Variants in WDR70 observed in about 807,000 individuals in gnomAD.
WDR70 encodes the protein WD repeat-containing protein 70.
Under a neutral mutation model 88.6 loss-of-function variants are expected in WDR70, and 53 were observed. That is an observed-to-expected ratio of 0.60 (90% CI 0.48 to 0.75). The LOEUF (loss-of-function observed/expected upper bound fraction) is 0.75. Among genes scored for constraint, WDR70 ranks in the 30% least tolerant of loss-of-function variants. The pLI is 0.00. For missense variants in WDR70, 610 were observed against 823.2 expected (o/e 0.74, Z 3.17); for synonymous variants, 280 against 270.0 (o/e 1.04, Z -0.36).
chr5:37,727,943 A>C (rs537852434), intron 17 of WDR70, among the ~76,000 whole-genome samples: 6 of 152,280 alleles, frequency 3.9e-5, no homozygotes, highest in African/African-American at 1.2e-4. Context: ...AAGTTGCAGA[A>C]ATAGTACAGA....
At chr5:37,667,420 T>C (rs1288172460) in intron 10 of WDR70, among the ~76,000 whole-genome samples, 2 of 152,220 alleles carry the variant, frequency 1.3e-5, no homozygotes, top group Non-Finnish European at 2.9e-5. Flanking sequence ...TTGCTGTTAT[T>C]ATCATCATTA....
chr5:37,570,442 T>A (rs764201406), intron 9 of WDR70, among the ~76,000 whole-genome samples: 1 of 152,118 alleles, frequency 6.6e-6, no homozygotes, highest in African/African-American at 2.4e-5. Context: ...ATATCTGTTC[T>A]GATAGCTTTG....
chr5:37,575,020 C>T (rs1015015699), intron 9 of WDR70, among the ~76,000 whole-genome samples: 5 of 152,110 alleles, frequency 3.3e-5, no homozygotes, highest in African/African-American at 9.7e-5. Context: ...TTTTGCCTTC[C>T]CAGAATCCCC....
At chr5:37,425,678 C>G (rs1221340972) in intron 5 of WDR70, among the ~76,000 whole-genome samples, 2 of 151,994 alleles carry the variant, frequency 1.3e-5, no homozygotes, top group African/African-American at 4.8e-5. Flanking sequence ...CTTTTTTCCC[C>G]CTAAGCCTTA....
At chr5:37,697,831 T>G (rs1747029117) in intron 11 of WDR70, 77 bp downstream of exon 11, 1 of 1,250,752 alleles carries the variant, frequency 8.0e-7, no homozygotes, top group Admixed American at 1.9e-5. Flanking sequence ...AATAATATCC[T>G]AGTGCTTAGT....
rs187527779 is a variant in WDR70 at position 37,710,671 on chromosome 5, A to G, written c.1416+7584A>G. Among the ~76,000 whole-genome samples the G allele has an allele frequency of 1.4e-4, 21 of 152,356 alleles. No individual in the cohort carries two copies. In the East Asian group the frequency reaches 3.9e-3, roughly 28 times the overall value. ...TGGTGAATAAAATACCAAATTTTAA[A>G]ATAAAAATGGGATCAGTAACAGTGC... On this transcript the variant is annotated intron_variant, in intron 13 of 17. Coordinates refer to ENST00000265107, the MANE Select transcript of WDR70 (RefSeq NM_018034.4).
At chr5:37,641,881 T>C (rs996089225) in intron 10 of WDR70, among the ~76,000 whole-genome samples, 9 of 152,218 alleles carry the variant, frequency 5.9e-5, no homozygotes, top group Admixed American at 5.9e-4. Flanking sequence ...GCATATTTTA[T>C]ATACCAACTA....
chr5:37,635,939 A>G (rs1280814765), intron 10 of WDR70, among the ~76,000 whole-genome samples: 6 of 152,178 alleles, frequency 3.9e-5, no homozygotes, highest in African/African-American at 1.4e-4. Flanking sequence ...CCCTCTTCAC[A>G]CGGCACTTCT....
At chr5:37,661,033 A>G (rs1381356651) in intron 10 of WDR70, among the ~76,000 whole-genome samples, 1 of 152,240 alleles carries the variant, frequency 6.6e-6, no homozygotes, top group Admixed American at 6.5e-5. Context: ...ACCATTTTAT[A>G]TATGGGACTT....
At chr5:37,382,177 C>G (rs965387950) in intron 3 of WDR70, among the ~76,000 whole-genome samples, 4 of 151,376 alleles carry the variant, frequency 2.6e-5, no homozygotes, top group African/African-American at 9.7e-5. Context: ...CGGCTCACTG[C>G]AGCCTCCACC....
Position 37,442,473 on chromosome 5 carries a change from C to G in WDR70, c.553-766C>G, listed in dbSNP as rs957217073. Among the ~76,000 whole-genome samples the G allele has an allele frequency of 3.3e-5, 5 of 151,646 alleles. No individual in the cohort carries two copies. The East Asian group carries it at 9.7e-4, about 29-fold the overall frequency. On this transcript the variant is annotated intron_variant, in intron 6 of 17. Coordinates refer to ENST00000265107, the MANE Select transcript of WDR70 (RefSeq NM_018034.4). ...TGTGCCTCAGCATTACAGGTGCATG[C>G]CTCCACGCCCAGTTAATTTTTGTAT...
intron 6 of WDR70, 125 bp downstream of exon 6, chr5:37,438,106 C>T: frequency 1.4e-6 from 1 of 692,142 alleles, no homozygotes. Flanking sequence ...AAGCTATAGA[C>T]ATTAAGGAAA....
chr5:37,670,163 A>T (rs1745983006), intron 10 of WDR70, among the ~76,000 whole-genome samples: 1 of 152,140 alleles, frequency 6.6e-6, no homozygotes, highest in South Asian at 2.1e-4. Context: ...AAGTGAGCAA[A>T]GTGCATGGTA....
At chr5:37,513,168 G>T (rs1322187009) in intron 8 of WDR70, among the ~76,000 whole-genome samples, 1 of 152,158 alleles carries the variant, frequency 6.6e-6, no homozygotes, top group Non-Finnish European at 1.5e-5. Context: ...GTCAAAAAAT[G>T]AATAAAGAAT....
intron 10 of WDR70, among the ~76,000 whole-genome samples, chr5:37,691,406 A>G (rs533681321): frequency 1.3e-5 from 2 of 152,224 alleles, no homozygotes; most frequent in Non-Finnish European, 2.9e-5. Flanking sequence ...AACAGAGTAT[A>G]CATTCTTCTC....
intron 10 of WDR70, among the ~76,000 whole-genome samples, chr5:37,670,114 A>G (rs1033477760): frequency 8.5e-5 from 13 of 152,148 alleles, no homozygotes; most frequent in Admixed American, 8.5e-4. Flanking sequence ...TGGCTGCGCA[A>G]CTCTTGGAAT....
chr5:37,449,600 AAAAT>A (rs749903539), intron 7 of WDR70, among the ~76,000 whole-genome samples: 459 of 43,550 alleles, frequency 0.011, 6 homozygotes, highest in Non-Finnish European at 0.014. Context: ...CAAAAAAAAA[AAAAT>A]AAAAAATAAA....
chr5:37,427,703 C>A (rs1190844581), intron 5 of WDR70, among the ~76,000 whole-genome samples: 1 of 150,094 alleles, frequency 6.7e-6, no homozygotes, highest in Non-Finnish European at 1.5e-5. Context: ...CCTGGCCAAC[C>A]TGATGAAACT....
At chr5:37,501,107 T>C (rs1740394627) in intron 8 of WDR70, among the ~76,000 whole-genome samples, 1 of 152,176 alleles carries the variant, frequency 6.6e-6, no homozygotes, top group Admixed American at 6.5e-5. Flanking sequence ...ATGGGATTTT[T>C]TTTTTCTTGC....
Sources: allele counts gnomAD v4.1 joint callset (sites outside exome capture counted in the v4.1 genomes callset), GRCh38; gene constraint gnomAD v4.1.1; transcripts MANE v1.5; gene names NCBI Gene and HGNC (gene_info 2026-07-23, HGNC 2026-07-21).